Variants in UTRN observed in about 807,000 individuals in gnomAD.
The protein encoded by UTRN is utrophin.
UTRN carries 283 observed loss-of-function variants against 463.9 expected under a neutral mutation model. That is an observed-to-expected ratio of 0.61 (90% CI 0.55 to 0.67). The LOEUF is 0.67. UTRN is among the 30% of genes least tolerant of loss of function. The pLI is 0.00. For missense variants in UTRN, 3,922 were observed against 4,084.3 expected (o/e 0.96, Z 1.08); for synonymous variants, 1,442 against 1,431.5 (o/e 1.01, Z -0.17).
chr6:144,343,411 A>C (rs909833205), intron 2 of UTRN, among the ~76,000 whole-genome samples: 6 of 126,218 alleles, frequency 4.8e-5, no homozygotes, highest in Admixed American at 1.5e-4. Flanking sequence ...CACACACACA[A>C]TAGCCGGGCA....
At chr6:144,333,742 C>T (rs1374441768) in intron 2 of UTRN, among the ~76,000 whole-genome samples, 4 of 152,176 alleles carry the variant, frequency 2.6e-5, no homozygotes, top group Non-Finnish European at 1.5e-5. Context: ...AAGCCAGTGT[C>T]CTTGGCTACT....
rs572153837 is a variant in UTRN at position 144,423,732 on chromosome 6, A to AT, written c.312+112dup. The AT allele has an allele frequency of 1.0e-4, 137 of 1,336,256 alleles. No homozygotes were observed. In the African/African-American group the frequency reaches 1.9e-3, roughly 19 times the overall value. The allele number at this position is 1,336,256 out of a possible 1,614,324, so 82.8% of individuals were successfully genotyped here. ...TTGGCATCCACTGATTCTTGCAAAC[A>AT]TTTTTTCTTATGAGAAATACTGAAC... is the stretch of plus-strand genomic sequence containing the variant. On this transcript the variant is annotated intron_variant, in intron 5 of 74. Transcript: ENST00000367545.
chr6:144,464,962 A>G (rs1009380817), intron 23 of UTRN, among the ~76,000 whole-genome samples: 2 of 152,186 alleles, frequency 1.3e-5, no homozygotes, highest in African/African-American at 4.8e-5. Flanking sequence ...TTTACCCTCC[A>G]GAGGATACTT....
At chr6:144,333,640 T>G (rs1167613286) in intron 2 of UTRN, among the ~76,000 whole-genome samples, 2 of 152,244 alleles carry the variant, frequency 1.3e-5, no homozygotes, top group South Asian at 4.1e-4. Context: ...ATTCCCTGCA[T>G]AGATCACCCA....
At chr6:144,353,420 A>ATTTTTTT (rs35761189) in intron 2 of UTRN, among the ~76,000 whole-genome samples, 1 of 138,864 alleles carries the variant, frequency 7.2e-6, no homozygotes. Context: ...GGCCCTTCTG[A>ATTTTTTT]TTTTTTTTTT....
rs757889384 is a variant in UTRN at position 144,459,239 on chromosome 6, C to T, written c.2592C>T (p.Ala864=). 5.0e-6 allele frequency: 8 copies of T among 1,614,076 alleles called. No homozygotes were observed. The highest frequency in any genetic ancestry group is 2.2e-5 in the South Asian group (2 of 91,080). The part of the protein sequence containing the change: ...KIEMARASCS[A]LMSQPSAPDF... ...AAATGGCTCGTGCAAGCTGCTCGGC[C>T]CTGATGTCTCAGCCTTCTGCCCCAG... The change falls in exon 21 of 75, where the codon GCC becomes GCT. Residue 864 remains alanine (A), a synonymous_variant. Transcript: ENST00000367545.
chr6:144,572,460 G>C (rs1372240682), intron 50 of UTRN, among the ~76,000 whole-genome samples: 1 of 151,984 alleles, frequency 6.6e-6, no homozygotes, highest in Non-Finnish European at 1.5e-5. Flanking sequence ...ATACATGTGC[G>C]TGGTGGTTTG....
chr6:144,322,538 T>C (rs1258865013), intron 2 of UTRN, among the ~76,000 whole-genome samples: 1 of 152,238 alleles, frequency 6.6e-6, no homozygotes, highest in African/African-American at 2.4e-5. Context: ...TATCATTCTC[T>C]AGCAGGATTT....
At chr6:144,807,091 T>C (rs141756511) in intron 65 of UTRN, among the ~76,000 whole-genome samples, 205 of 152,242 alleles carry the variant, frequency 1.3e-3, no homozygotes, top group Non-Finnish European at 1.5e-3. Flanking sequence ...CCTTCCCATA[T>C]GGACCTTGAT....
rs549173334 is a variant in UTRN, at chr6:144,817,164, C to A, written c.9358-3718C>A. Among the ~76,000 whole-genome samples, 4 of 152,128 alleles carry A rather than the reference C, an allele frequency of 2.6e-5. No individual in the cohort carries two copies. The East Asian group carries it at 7.7e-4, about 29-fold the overall frequency. The stretch of plus-strand genomic sequence containing the variant: ...GTGAGTTTACTTAGGCTTCAAAAAC[C>A]TGATGATAATCTCCTCAGAGGCCAT... On this transcript the variant is annotated intron_variant, in intron 65 of 74. Transcript: ENST00000367545.
intron 19 of UTRN, among the ~76,000 whole-genome samples, chr6:144,458,033 CTT>C (rs1247703054): frequency 2.0e-5 from 3 of 152,110 alleles, no homozygotes; most frequent in African/African-American, 4.8e-5. Context: ...TTATATATGA[CTT>C]TATTATTTTT....
chr6:144,548,579 C>T, intron 46 of UTRN, 61 bp from the exon 47 acceptor site: 6 of 1,510,526 alleles, frequency 4.0e-6, no homozygotes, highest in Non-Finnish European at 5.4e-6. Flanking sequence ...GTCACCATGA[C>T]ACCACCATAA....
chr6:144,849,813 A>G (rs1468063382), intron 74 of UTRN, among the ~76,000 whole-genome samples: 3 of 152,204 alleles, frequency 2.0e-5, no homozygotes, highest in African/African-American at 7.2e-5. Flanking sequence ...GCACAATTCA[A>G]AAATCCTCTT....
intron 26 of UTRN, among the ~76,000 whole-genome samples, chr6:144,481,505 A>G (rs1325505732): frequency 6.6e-6 from 1 of 152,258 alleles, no homozygotes; most frequent in East Asian, 1.9e-4. Flanking sequence ...AGAACTTTTA[A>G]AGATACTTCT....
chr6:144,508,211 C>CT (rs2128588918), intron 34 of UTRN, among the ~76,000 whole-genome samples: 1 of 152,230 alleles, frequency 6.6e-6, no homozygotes, highest in Non-Finnish European at 1.5e-5. Context: ...GACCACTTGG[C>CT]TCCCTGGCTT....
chr6:144,451,235 C>T, intron 17 of UTRN, 135 bp from the exon 18 acceptor site: 1 of 862,300 alleles, frequency 1.2e-6, no homozygotes, highest in Non-Finnish European at 1.7e-6. Context: ...CATGGTTACC[C>T]TATTTCTGGG....
chr6:144,846,904 A>G lies in UTRN; in HGVS notation c.10293+77A>G. Reference sequence around the variant, plus strand: ...AAGCAGATTATCCACGACTGATTTTATTCCTACTTTATTCTCCATGTAAAT... The same window carrying G: ...AAGCAGATTATCCACGACTGATTTTGTTCCTACTTTATTCTCCATGTAAAT... On this transcript the variant is annotated intron_variant, in intron 74 of 74. Coordinates refer to ENST00000367545, the MANE Select transcript of UTRN (RefSeq NM_007124.3). 2.6e-6 allele frequency: 4 copies of G among 1,560,284 alleles called. No individual in the cohort carries two copies. In the South Asian group the frequency reaches 4.5e-5, roughly 17 times the overall value.
intron 52 of UTRN, among the ~76,000 whole-genome samples, chr6:144,691,336 C>T (rs1020991593): frequency 2.6e-5 from 4 of 152,186 alleles, no homozygotes; most frequent in East Asian, 1.9e-4. Context: ...GGGCTGCTCT[C>T]GAACTCCTGG....
intron 61 of UTRN, among the ~76,000 whole-genome samples, chr6:144,783,362 G>A (rs1776021687): frequency 6.6e-6 from 1 of 152,106 alleles, no homozygotes; most frequent in African/African-American, 2.4e-5. Flanking sequence ...GAGCTGATTG[G>A]TTCTGTATAG....
Sources: allele counts gnomAD v4.1 joint callset (sites outside exome capture counted in the v4.1 genomes callset), GRCh38; gene constraint gnomAD v4.1.1; transcripts MANE v1.5; gene names NCBI Gene and HGNC (gene_info 2026-07-23, HGNC 2026-07-21).